Variants in WWP2 observed in about 807,000 individuals in gnomAD.
The protein encoded by WWP2 is WW domain containing E3 ubiquitin protein ligase 2, also known as NEDD4-like E3 ubiquitin-protein ligase WWP2.
A neutral mutation model predicts 121.0 loss-of-function variants in WWP2; 57 were observed. The ratio of observed to expected loss-of-function variants is 0.47; its 90% CI spans 0.38 to 0.59. The LOEUF is 0.59. Among genes scored for constraint, WWP2 ranks in the 20% least tolerant of loss-of-function variants. The probability of loss-of-function intolerance (pLI) is 0.00; values close to 1 mark genes in which losing one functional copy is unlikely to be tolerated. For synonymous variants in WWP2, 449 were observed against 441.3 expected (o/e 1.02, Z -0.22); for missense variants, 962 against 1,158.9 (o/e 0.83, Z 2.47).
chr16:69,813,082 G>C lies in WWP2; in HGVS notation c.340+13787G>C, dbSNP rs188961566. ...AAGGGCTTTCCGTTTTCATGTATGCGTGTGTGTAGGTATGTATTATCAGCT... is the reference window on the plus strand; with the variant it reads ...AAGGGCTTTCCGTTTTCATGTATGCCTGTGTGTAGGTATGTATTATCAGCT... On this transcript the variant is annotated intron_variant, in intron 4 of 23. Transcript: ENST00000359154. 9.9e-5 allele frequency among the ~76,000 whole-genome samples: 15 copies of C among 151,932 alleles called. No homozygotes were observed. The East Asian group carries it at 2.5e-3, about 25-fold the overall frequency.
intron 6 of WWP2, among the ~76,000 whole-genome samples, chr16:69,861,745 G>A (rs777572650): frequency 7.2e-5 from 11 of 151,734 alleles, no homozygotes; most frequent in Non-Finnish European, 1.3e-4. Flanking sequence ...CTGGGTGGTG[G>A]ACACTGTTTC....
chr16:69,828,239 G>C (rs984934357), intron 4 of WWP2, among the ~76,000 whole-genome samples: 6 of 151,888 alleles, frequency 4.0e-5, no homozygotes. Context: ...TCCTCCTAAG[G>C]GCAGATGCCC....
chr16:69,817,268 T>C (rs1251465988), intron 4 of WWP2, among the ~76,000 whole-genome samples: 2 of 152,174 alleles, frequency 1.3e-5, no homozygotes, highest in Non-Finnish European at 2.9e-5. Flanking sequence ...TTTTGTTTTT[T>C]GAGACAGTCT....
rs1340909947 is a variant in WWP2 at position 69,778,142 on chromosome 16, CAT to C, written c.-15-8848_-15-8847del. 6.8e-4 allele frequency among the ~76,000 whole-genome samples: 99 copies of C among 145,380 alleles called. 1 individual carries two copies. Among genetic ancestry groups the C allele is most frequent in the South Asian group, 1.7e-3 (8 of 4,630 alleles). On this transcript the variant is annotated intron_variant, in intron 1 of 23. Transcript: ENST00000359154. ...ATACACATAGATACACACACACACA[CAT>C]ATATACATACACACTCATACTATAA...
At chr16:69,894,573 A>T (rs771057404) in intron 8 of WWP2, among the ~76,000 whole-genome samples, 45 of 152,170 alleles carry the variant, frequency 3.0e-4, no homozygotes, top group Non-Finnish European at 5.9e-4. Context: ...ACTAGCGTGA[A>T]AGAAGCCAAC....
At chr16:69,889,279 C>G (rs539939595) in intron 8 of WWP2, among the ~76,000 whole-genome samples, 37 of 152,172 alleles carry the variant, frequency 2.4e-4, no homozygotes, top group Non-Finnish European at 4.7e-4. Context: ...GAGCTATGAT[C>G]ACACCACTGT....
intron 8 of WWP2, 84 bp downstream of exon 8, chr16:69,888,333 T>A (rs1447961178): frequency 5.7e-6 from 8 of 1,414,180 alleles, no homozygotes; most frequent in Non-Finnish European, 7.6e-6. Context: ...CGTGGTTATT[T>A]ATTACCTAGT....
intron 2 of WWP2, among the ~76,000 whole-genome samples, chr16:69,798,081 TC>T (rs1289638321): frequency 3.3e-5 from 5 of 152,128 alleles, no homozygotes; most frequent in African/African-American, 9.7e-5. Flanking sequence ...AACAAGCATA[TC>T]CCTTAGCACT....
chr16:69,861,406 G>A (rs1161851943), intron 6 of WWP2, among the ~76,000 whole-genome samples: 1 of 152,204 alleles, frequency 6.6e-6, no homozygotes, highest in African/African-American at 2.4e-5. Flanking sequence ...CCTTTGAGAA[G>A]GTTGCTCTGT....
At chr16:69,881,331 T>C (rs1269748983) in intron 7 of WWP2, among the ~76,000 whole-genome samples, 1 of 152,232 alleles carries the variant, frequency 6.6e-6, no homozygotes, top group African/African-American at 2.4e-5. Flanking sequence ...GTGGTCCCTC[T>C]GTGAGCCTCA....
intron 1 of WWP2, among the ~76,000 whole-genome samples, chr16:69,771,443 C>T (rs1176592142): frequency 6.6e-6 from 1 of 152,138 alleles, no homozygotes; most frequent in Non-Finnish European, 1.5e-5. Context: ...GACGGGGTTT[C>T]CCCATGTTGG....
intron 1 of WWP2, among the ~76,000 whole-genome samples, chr16:69,774,440 T>C (rs2055481685): frequency 6.6e-6 from 1 of 152,082 alleles, no homozygotes; most frequent in South Asian, 2.1e-4. Context: ...TGGTTTTTGT[T>C]GAGACGAGGT....
At chr16:69,901,096 A>G (rs1290816712) in intron 8 of WWP2, among the ~76,000 whole-genome samples, 4 of 152,204 alleles carry the variant, frequency 2.6e-5, no homozygotes, top group African/African-American at 9.6e-5. Flanking sequence ...CACAGGAATT[A>G]TATTCCACTG....
chr16:69,870,977 T>C (rs2057624804), intron 6 of WWP2, among the ~76,000 whole-genome samples: 1 of 152,162 alleles, frequency 6.6e-6, no homozygotes, highest in Non-Finnish European at 1.5e-5. Flanking sequence ...GATTGTTGAG[T>C]CATCTTTTCT....
intron 4 of WWP2, among the ~76,000 whole-genome samples, chr16:69,817,448 C>T (rs921079485): frequency 2.0e-5 from 3 of 152,138 alleles, no homozygotes; most frequent in South Asian, 2.1e-4. Flanking sequence ...AGGGTTTTTG[C>T]TATGTTGACC....
At chr16:69,927,345 A>G (rs1201668952) in intron 11 of WWP2, among the ~76,000 whole-genome samples, 1 of 152,020 alleles carries the variant, frequency 6.6e-6, no homozygotes, top group Non-Finnish European at 1.5e-5. Flanking sequence ...CTGCCCCAGG[A>G]GAGACCCCGC....
rs1214504099 is a variant in WWP2, at chr16:69,847,417, T to A, written c.575+5297T>A. 9.3e-5 allele frequency among the ~76,000 whole-genome samples: 14 copies of A among 150,222 alleles called. 1 individual carries two copies. The highest frequency in any genetic ancestry group is 2.0e-4 in the Admixed American group (3 of 15,080). On this transcript the variant is annotated intron_variant, in intron 6 of 23. Transcript: ENST00000359154. The stretch of plus-strand genomic sequence containing the variant: ...TTATTTTTCTTATTTTTTTTTTTTT[T>A]AATTTTTTTGAGATGGAGTTTCACT...
intron 8 of WWP2, among the ~76,000 whole-genome samples, chr16:69,900,183 C>G (rs1186413216): frequency 1.3e-5 from 2 of 152,122 alleles, no homozygotes; most frequent in African/African-American, 2.4e-5. Flanking sequence ...GGGCCATTCA[C>G]AAGAAAAATA....
At chr16:69,776,534 T>A (rs2055530771) in intron 1 of WWP2, among the ~76,000 whole-genome samples, 1 of 152,216 alleles carries the variant, frequency 6.6e-6, no homozygotes, top group African/African-American at 2.4e-5. Flanking sequence ...GTTTCTTAAC[T>A]TATAATGATA....
Sources: gnomAD v4.1 joint callset for allele counts (sites outside exome capture counted in the v4.1 genomes callset) on GRCh38, gnomAD v4.1.1 for gene constraint, MANE v1.5 for transcripts, NCBI Gene and HGNC (gene_info 2026-07-23, HGNC 2026-07-21) for gene names.